CSMD1: variants seen among roughly 807,000 people sequenced by gnomAD.
The protein encoded by CSMD1 is CUB and sushi domain-containing protein 1.
A neutral mutation model predicts 417.5 loss-of-function variants in CSMD1; 213 were observed. That is an observed-to-expected ratio of 0.51 (90% CI 0.46 to 0.57). CSMD1 has a LOEUF of 0.57. Among genes scored for constraint, CSMD1 ranks in the 20% least tolerant of loss-of-function variants. CSMD1 has a pLI of 0.00. For missense variants in CSMD1, 6,923 were observed against 4,529.7 expected (o/e 1.53, Z -15.17); for synonymous variants, 2,862 against 1,736.8 (o/e 1.65, Z -16.11).
At chr8:3,541,553 A>C (rs1021948335) in intron 10 of CSMD1, among the ~76,000 whole-genome samples, 1 of 144,912 alleles carries the variant, frequency 6.9e-6, no homozygotes, top group Non-Finnish European at 1.5e-5. Context: ...AAAATATGAG[A>C]ATAAATTAAA....
intron 7 of CSMD1, among the ~76,000 whole-genome samples, chr8:3,659,011 T>A (rs534684974): frequency 2.0e-5 from 3 of 152,302 alleles, no homozygotes; most frequent in South Asian, 2.1e-4. Flanking sequence ...TACTTCTAGG[T>A]CCTCAGAGCA....
At chr8:3,103,390 AG>A (rs1236769153) in intron 46 of CSMD1, among the ~76,000 whole-genome samples, 1 of 152,156 alleles carries the variant, frequency 6.6e-6, no homozygotes, top group African/African-American at 2.4e-5. Flanking sequence ...TACACAATTA[AG>A]CCATATGGTG....
rs551601843 is a variant in CSMD1, at chr8:3,892,607, AC to A, written c.818+105295del. ...TTAAATCTGTTCTCTCCCCACTCCT[AC>A]TTTCACTCTGGTGCACGTCAGTACT... On this transcript the variant is annotated intron_variant, in intron 5 of 69. Transcript: ENST00000635120. Among the ~76,000 whole-genome samples, 23 of 151,500 alleles carry A rather than the reference AC, an allele frequency of 1.5e-4. No individual in the cohort carries two copies. In the East Asian group the frequency reaches 4.3e-3, roughly 28 times the overall value.
At chr8:3,188,659 T>G (rs1796231779) in intron 35 of CSMD1, among the ~76,000 whole-genome samples, 1 of 151,462 alleles carries the variant, frequency 6.6e-6, no homozygotes, top group African/African-American at 2.4e-5. Context: ...TTTAAAAAAT[T>G]GATTATATTT....
chr8:4,907,433 A>C (rs1383636801), intron 1 of CSMD1, among the ~76,000 whole-genome samples: 1 of 152,244 alleles, frequency 6.6e-6, no homozygotes, highest in Non-Finnish European at 1.5e-5. Context: ...GGCAAAATAC[A>C]TAAATATCCT....
Position 3,600,105 on chromosome 8 carries a change from G to C in CSMD1, c.1098-13845C>G, listed in dbSNP as rs146818340. 5.3e-5 allele frequency among the ~76,000 whole-genome samples: 8 copies of C among 152,320 alleles called. No individual in the cohort carries two copies. In the East Asian group the frequency reaches 1.5e-3, roughly 29 times the overall value. On this transcript the variant is annotated intron_variant, in intron 8 of 69. Transcript: ENST00000635120. ...ACTTAAGAAAAGTCTAGCAGGTAAA[G>C]AGAGCGAGGAATTAATTTAAGACAC...
intron 1 of CSMD1, among the ~76,000 whole-genome samples, chr8:4,840,569 T>C (rs1800784785): frequency 6.6e-6 from 1 of 152,118 alleles, no homozygotes; most frequent in African/African-American, 2.4e-5. Flanking sequence ...AAAGAAAATA[T>C]GAAGAAATAA....
chr8:3,142,700 G>T (rs766141915), intron 40 of CSMD1, 26 bp from the exon 41 acceptor site: 2 of 1,541,032 alleles, frequency 1.3e-6, no homozygotes, highest in South Asian at 2.2e-5. Context: ...CAAACTTAAT[G>T]AAAGTTCATA....
intron 1 of CSMD1, among the ~76,000 whole-genome samples, chr8:4,890,199 A>T (rs1487839507): frequency 6.6e-6 from 1 of 152,170 alleles, no homozygotes; most frequent in South Asian, 2.1e-4. Context: ...AATATCTCAT[A>T]AACACACTTG....
intron 52 of CSMD1, among the ~76,000 whole-genome samples, chr8:3,008,865 A>G (rs1482323087): frequency 6.6e-6 from 1 of 152,180 alleles, no homozygotes; most frequent in African/African-American, 2.4e-5. Flanking sequence ...GACCTGAGGT[A>G]CTTGTTGGCC....
chr8:3,189,705 T>C (rs938187489), intron 34 of CSMD1, among the ~76,000 whole-genome samples: 2 of 131,552 alleles, frequency 1.5e-5, no homozygotes, highest in Middle Eastern at 4.2e-3. Context: ...AAACATGCTT[T>C]ATCCTTGTTA....
chr8:3,756,765 T>C (rs1023735173), intron 5 of CSMD1, among the ~76,000 whole-genome samples: 8 of 152,100 alleles, frequency 5.3e-5, no homozygotes, highest in Non-Finnish European at 8.8e-5. Flanking sequence ...TCGCATTACT[T>C]ATGAACGGTT....
rs1325148550 is a variant in CSMD1, at chr8:3,021,949, GATCCCACAGCATCTGGAATGCACCTGCA to G, written c.7856-3327_7856-3300del. ...CCCACAGCATCCGGAAAGCACCTGC[GATCCCACAGCATCTGGAATGCACCTGCA>G]ATCCCACAGCATCAGGAATGCACCT... is the stretch of plus-strand genomic sequence containing the variant. On this transcript the variant is annotated intron_variant, in intron 51 of 69. Transcript: ENST00000635120. Among the ~76,000 whole-genome samples the G allele has an allele frequency of 1.1e-3, 83 of 73,990 alleles. 2 individuals are homozygous for G. In the East Asian group the frequency reaches 0.022, roughly 19 times the overall value. The allele number at this position is 73,990 out of a possible 152,430, so 48.5% of individuals were successfully genotyped here.
chr8:4,394,510 G>GAGATGAGGCGCTCATTCAGCCTAAAC (rs1260071360), intron 3 of CSMD1, among the ~76,000 whole-genome samples: 2 of 152,154 alleles, frequency 1.3e-5, no homozygotes, highest in African/African-American at 4.8e-5. Flanking sequence ...GTGAATGAGT[G>GAGATGAGGCGCTCATTCAGCCTAAAC]AGATGAGGCG....
intron 62 of CSMD1, among the ~76,000 whole-genome samples, chr8:2,958,304 C>T (rs913761348): frequency 1.3e-5 from 2 of 152,188 alleles, no homozygotes; most frequent in African/African-American, 2.4e-5. Flanking sequence ...GCGTCTTCCT[C>T]ACCAGGTCTT....
chr8:4,786,251 T>C (rs2117211318), intron 1 of CSMD1, among the ~76,000 whole-genome samples: 1 of 152,328 alleles, frequency 6.6e-6, no homozygotes, highest in African/African-American at 2.4e-5. Context: ...AAAATATCCA[T>C]TTAGGACTAT....
chr8:3,611,526 G>GA (rs145499748), intron 8 of CSMD1, among the ~76,000 whole-genome samples: 8,923 of 152,010 alleles, frequency 0.059, 417 homozygotes, highest in East Asian at 0.22. Flanking sequence ...TTACTTCAAG[G>GA]AAAATGACAA....
intron 5 of CSMD1, among the ~76,000 whole-genome samples, chr8:3,904,643 T>C (rs1354624357): frequency 6.7e-6 from 1 of 150,372 alleles, no homozygotes; most frequent in African/African-American, 2.4e-5. Flanking sequence ...TTCTTTCTTT[T>C]TTTTTTTTTT....
chr8:3,397,909 C>A (rs887488885), intron 16 of CSMD1, among the ~76,000 whole-genome samples: 4 of 152,100 alleles, frequency 2.6e-5, no homozygotes, highest in Non-Finnish European at 5.9e-5. Context: ...GTCAGCCCAT[C>A]GGTCATGGTG....
Sources: gnomAD v4.1 joint callset for allele counts (sites outside exome capture counted in the v4.1 genomes callset) on GRCh38, gnomAD v4.1.1 for gene constraint, MANE v1.5 for transcripts, NCBI Gene and HGNC (gene_info 2026-07-23, HGNC 2026-07-21) for gene names.